Variants in GRIK2 observed in about 807,000 individuals in gnomAD.
GRIK2 encodes glutamate ionotropic receptor kainate type subunit 2.
Under a neutral mutation model 100.3 loss-of-function variants are expected in GRIK2, and 32 were observed. That is an observed-to-expected ratio of 0.32 (90% CI 0.24 to 0.43). GRIK2 has a LOEUF of 0.43. Among genes scored for constraint, GRIK2 ranks in the 20% least tolerant of loss-of-function variants. GRIK2 has a pLI of 1.00. For missense variants in GRIK2, 843 were observed against 1,114.9 expected, an observed-to-expected ratio of 0.76 and a Z score of 3.47; for synonymous variants, 417 against 389.4, an observed-to-expected ratio of 1.07 and a Z score of -0.83.
intron 14 of GRIK2, among the ~76,000 whole-genome samples, chr6:101,935,748 T>C (rs947420517): frequency 5.1e-4 from 77 of 152,092 alleles, no homozygotes; most frequent in East Asian, 1.9e-4. Flanking sequence ...CCTTTCCTTG[T>C]TGTGAAAAAA....
chr6:101,983,393 G>A (rs1194424554), intron 14 of GRIK2, among the ~76,000 whole-genome samples: 2 of 151,842 alleles, frequency 1.3e-5, no homozygotes, highest in Non-Finnish European at 2.9e-5. Context: ...TACAAGCAGA[G>A]TATTGCCACA....
In GRIK2 at chr6:101,934,179, G is replaced by A. The variant is rs574318685; in HGVS notation, c.2085+5547G>A. On this transcript the variant is annotated intron_variant, in intron 14 of 16. Coordinates refer to ENST00000369134, the MANE Select transcript of GRIK2 (RefSeq NM_021956.5). ...GGTTAAGTGACTTATTAATTATAAC[G>A]GCTATAACCAAGGAATGCATAGTAT... Among the ~76,000 whole-genome samples, 5 of 151,832 alleles carry A rather than the reference G, an allele frequency of 3.3e-5. 1 individual carries two copies. Among genetic ancestry groups the A allele is most frequent in the Middle Eastern group, 6.8e-3 (2 of 294 alleles).
intron 7 of GRIK2, among the ~76,000 whole-genome samples, chr6:101,705,866 A>G (rs893384637): frequency 6.6e-5 from 10 of 151,944 alleles, no homozygotes; most frequent in African/African-American, 2.2e-4. Flanking sequence ...GCTGTTTAAA[A>G]TAAATTCTTT....
At chr6:101,812,036 T>A (rs1781363862) in intron 9 of GRIK2, among the ~76,000 whole-genome samples, 1 of 151,302 alleles carries the variant, frequency 6.6e-6, no homozygotes, top group Admixed American at 6.6e-5. Context: ...AAAATACTTA[T>A]AAAATATAAT....
At chr6:101,539,753 C>T (rs555834220) in intron 2 of GRIK2, among the ~76,000 whole-genome samples, 43 of 151,576 alleles carry the variant, frequency 2.8e-4, no homozygotes, top group African/African-American at 9.2e-4. Flanking sequence ...AAGTCATGTT[C>T]GTACATGAAA....
rs554877869 is a variant in GRIK2, at chr6:101,982,662, T to C, written c.2086-52679T>C. 1.4e-3 allele frequency among the ~76,000 whole-genome samples: 205 copies of C among 151,500 alleles called. 1 individual carries two copies. Among genetic ancestry groups the C allele is most frequent in the African/African-American group, 4.8e-3 (200 of 41,360 alleles). ...GCTACTACCCCCTTCTTCTTTTTTT[T>C]TTTTTCAATGTGTACGAGAATCCAG... On this transcript the variant is annotated intron_variant, in intron 14 of 16. Coordinates refer to ENST00000369134, the MANE Select transcript of GRIK2 (RefSeq NM_021956.5).
chr6:101,734,474 T>A (rs944372537), intron 7 of GRIK2, among the ~76,000 whole-genome samples: 2 of 152,176 alleles, frequency 1.3e-5, no homozygotes, highest in Non-Finnish European at 2.9e-5. Flanking sequence ...CCACCTATAA[T>A]ACATTAGGGA....
At chr6:101,974,023 G>T (rs1363943366) in intron 14 of GRIK2, among the ~76,000 whole-genome samples, 1 of 151,714 alleles carries the variant, frequency 6.6e-6, no homozygotes, top group Non-Finnish European at 1.5e-5. Flanking sequence ...CTTTAAATTG[G>T]CAATCAACAT....
intron 8 of GRIK2, 44 bp from the exon 9 acceptor site, chr6:101,802,287 T>C: frequency 1.3e-6 from 1 of 762,128 alleles, no homozygotes; most frequent in Non-Finnish European, 2.1e-6. Flanking sequence ...GTTTATTCCA[T>C]CTTTCTTCAC....
At chr6:101,757,660 T>TG (rs558159265) in intron 7 of GRIK2, among the ~76,000 whole-genome samples, 3 of 152,296 alleles carry the variant, frequency 2.0e-5, no homozygotes, top group Admixed American at 6.5e-5. Flanking sequence ...GCTTCCTACA[T>TG]GAGTAATTTC....
intron 2 of GRIK2, among the ~76,000 whole-genome samples, chr6:101,437,908 T>G (rs560784093): frequency 1.3e-5 from 2 of 152,094 alleles, no homozygotes; most frequent in Admixed American, 1.3e-4. Context: ...TATGCTTTAA[T>G]TGTGAGAGGC....
At chr6:101,955,108 T>G (rs949363525) in intron 14 of GRIK2, among the ~76,000 whole-genome samples, 1 of 152,170 alleles carries the variant, frequency 6.6e-6, no homozygotes, top group African/African-American at 2.4e-5. Context: ...TGCTGGTATT[T>G]TGTTGATACA....
At chr6:101,798,373 A>G (rs766673897) in intron 7 of GRIK2, among the ~76,000 whole-genome samples, 4 of 152,058 alleles carry the variant, frequency 2.6e-5, no homozygotes, top group Non-Finnish European at 4.4e-5. Flanking sequence ...AATGAACACT[A>G]CTAGTTTTCA....
At chr6:102,037,231 A>C (rs1320455070) in intron 15 of GRIK2, among the ~76,000 whole-genome samples, 1 of 151,206 alleles carries the variant, frequency 6.6e-6, no homozygotes, top group African/African-American at 2.4e-5. Flanking sequence ...ACGAGTTCTT[A>C]CTCCCAAAAT....
chr6:101,753,586 C>T (rs1208682495), intron 7 of GRIK2, among the ~76,000 whole-genome samples: 1 of 151,834 alleles, frequency 6.6e-6, no homozygotes, highest in East Asian at 1.9e-4. Context: ...CATTTTATTT[C>T]TATGTCTTTA....
chr6:101,877,064 C>A (rs1187276787), intron 11 of GRIK2, among the ~76,000 whole-genome samples: 5 of 151,762 alleles, frequency 3.3e-5, no homozygotes, highest in Non-Finnish European at 7.4e-5. Context: ...AAATTATGGG[C>A]CACTTAAGAA....
intron 11 of GRIK2, among the ~76,000 whole-genome samples, chr6:101,876,766 G>T (rs550460707): frequency 2.0e-4 from 31 of 151,944 alleles, no homozygotes; most frequent in South Asian, 6.2e-4. Context: ...AAAACACCCA[G>T]CATCCTTCTG....
intron 7 of GRIK2, among the ~76,000 whole-genome samples, chr6:101,788,753 A>T (rs1042368570): frequency 6.6e-6 from 1 of 152,270 alleles, no homozygotes; most frequent in African/African-American, 2.4e-5. Flanking sequence ...GTCAAATGGT[A>T]TTTCTAGTTC....
At chr6:101,787,420 T>A (rs1164022806) in intron 7 of GRIK2, among the ~76,000 whole-genome samples, 1 of 152,116 alleles carries the variant, frequency 6.6e-6, no homozygotes, top group African/African-American at 2.4e-5. Flanking sequence ...TTATATTTTC[T>A]TGATGTAGAT....
Sources: allele counts gnomAD v4.1 joint callset (sites outside exome capture counted in the v4.1 genomes callset), GRCh38; gene constraint gnomAD v4.1.1; transcripts MANE v1.5; gene names NCBI Gene and HGNC (gene_info 2026-07-23, HGNC 2026-07-21).